Variants in ARHGAP32 observed in about 807,000 individuals in gnomAD.
ARHGAP32 encodes the protein rho GTPase-activating protein 32.
A neutral mutation model predicts 186.5 loss-of-function variants in ARHGAP32; 51 were observed. That is an observed-to-expected ratio of 0.27 (90% CI 0.22 to 0.35). The LOEUF is 0.35. ARHGAP32 is among the 10% of genes least tolerant of loss of function. The pLI, the probability that ARHGAP32 is intolerant of heterozygous loss-of-function variation, is 1.00. For synonymous variants in ARHGAP32, 950 were observed against 964.3 expected, an observed-to-expected ratio of 0.99 and a Z score of 0.27; for missense variants, 2,186 against 2,623.5, an observed-to-expected ratio of 0.83 and a Z score of 3.64.
intron 5 of ARHGAP32, among the ~76,000 whole-genome samples, chr11:129,102,812 A>C (rs186016532): frequency 3.9e-5 from 6 of 152,274 alleles, no homozygotes; most frequent in African/African-American, 1.4e-4. Context: ...CAAAAAGCTT[A>C]AAAGGAGAAT....
chr11:129,260,576 C>A (rs2135708866), intron 1 of ARHGAP32, among the ~76,000 whole-genome samples: 1 of 152,152 alleles, frequency 6.6e-6, no homozygotes, highest in East Asian at 1.9e-4. Flanking sequence ...CTGCGAAACA[C>A]CTTAGTATGA....
intron 5 of ARHGAP32, among the ~76,000 whole-genome samples, chr11:129,113,870 A>G (rs953269448): frequency 3.3e-5 from 5 of 151,972 alleles, no homozygotes; most frequent in Non-Finnish European, 5.9e-5. Flanking sequence ...CTGTACTACT[A>G]TTCACCCAGC....
At chr11:129,210,516 A>T (rs1394860962) in intron 1 of ARHGAP32, among the ~76,000 whole-genome samples, 2 of 152,150 alleles carry the variant, frequency 1.3e-5, no homozygotes, top group Non-Finnish European at 2.9e-5. Flanking sequence ...AAACATTTTA[A>T]ATGTCTCCTC....
intron 2 of ARHGAP32, 84 bp from the exon 3 acceptor site, chr11:129,124,978 G>A: frequency 1.0e-6 from 1 of 974,954 alleles, no homozygotes; most frequent in Non-Finnish European, 1.5e-6. Flanking sequence ...TATGTTAATA[G>A]TTCTGCTGAC....
At chr11:128,986,438 T>C (rs976866937) in intron 14 of ARHGAP32, 86 bp downstream of exon 14, 9 of 1,446,482 alleles carry the variant, frequency 6.2e-6, no homozygotes, top group Non-Finnish European at 8.6e-6. Context: ...ATTTCTTACA[T>C]GTGACCAAAC....
intron 10 of ARHGAP32, among the ~76,000 whole-genome samples, chr11:129,046,488 A>G (rs1034717730): frequency 1.3e-5 from 2 of 152,156 alleles, no homozygotes; most frequent in Non-Finnish European, 2.9e-5. Context: ...CTAGTAGCTT[A>G]GCAAGCATAT....
intron 10 of ARHGAP32, among the ~76,000 whole-genome samples, chr11:129,051,979 A>AG (rs1565397147): frequency 8.0e-6 from 1 of 124,520 alleles, no homozygotes; most frequent in Non-Finnish European, 1.7e-5. Context: ...AAAAAAAAAA[A>AG]AGAGACATCT....
Position 128,973,124 on chromosome 11 carries a change from G to C in ARHGAP32, c.3382C>G (p.Pro1128Ala). ...GGTAGAGGATGGTCACAGTTTCCTG[G>C]TGCATTATTCTGGAGGTGGAACTGC... ...AEQFHLQNNA[P>A]GNCDHPLPET... The change falls in exon 22 of 23, where the codon CCA becomes GCA. Residue 1128 changes from proline (P) to alanine (A), a missense_variant. This residue lies in a region of ARHGAP32 where 1,502 missense variants were observed against 1,570.0 expected (regional missense o/e 0.96). Transcript: ENST00000682385. 1 of 1,614,196 alleles carries C rather than the reference G, an allele frequency of 6.2e-7. No homozygotes were observed. The highest frequency in any genetic ancestry group is 1.6e-4 in the Middle Eastern group (1 of 6,062).
chr11:128,969,897 C>T lies in ARHGAP32; in HGVS notation c.5316G>A (p.Glu1772=). The T allele has an allele frequency of 6.2e-7, 1 of 1,614,198 alleles. No individual in the cohort carries two copies. ...CTTTCACCTTCTGCCGAGCACGGCTCTCTCTCCGGATGGACTGCATGCGGT... is the reference window on the plus strand; with the variant it reads ...CTTTCACCTTCTGCCGAGCACGGCTTTCTCTCCGGATGGACTGCATGCGGT... ...EKYRMQSIRR[E]SRARQKVKGP... Residue 1772 remains glutamate, a synonymous_variant, in exon 23 of 23, where the codon GAG becomes GAA. Transcript: ENST00000682385. The surrounding 1 kb of genome is among the most constrained non-coding windows in gnomAD (Gnocchi z 4.8).
chr11:129,129,010 C>G (rs1804737793), intron 2 of ARHGAP32, among the ~76,000 whole-genome samples: 1 of 152,194 alleles, frequency 6.6e-6, no homozygotes, highest in South Asian at 2.1e-4. Flanking sequence ...GCCACCCCGT[C>G]TGGGAAGTGA....
At position 129,124,902 on chromosome 11, in the gene ARHGAP32, A is replaced by T; in HGVS notation, c.226-8T>A. ...AACATCTGCGCCTCTTGCCTTAAAA[A>T]ATAAAGACAAAATATTTATGGCTAT... On this transcript the variant is annotated splice_polypyrimidine_tract_variant and splice_region_variant and intron_variant, in intron 2 of 22. Coordinates refer to ENST00000682385, the MANE Select transcript of ARHGAP32 (RefSeq NM_001378024.1). The T allele has an allele frequency of 6.3e-7, 1 of 1,595,458 alleles. No individual in the cohort carries two copies. The highest frequency in any genetic ancestry group is 1.3e-5 in the African/African-American group (1 of 74,206).
At chr11:129,032,072 A>G (rs1288368232) in intron 11 of ARHGAP32, among the ~76,000 whole-genome samples, 1 of 152,062 alleles carries the variant, frequency 6.6e-6, no homozygotes, top group Non-Finnish European at 1.5e-5. Flanking sequence ...ACCACCCTTC[A>G]ATTCATTTGC....
At chr11:129,060,334 C>CAGAT (rs1362082858) in intron 10 of ARHGAP32, among the ~76,000 whole-genome samples, 3 of 123,306 alleles carry the variant, frequency 2.4e-5, no homozygotes, top group Non-Finnish European at 3.5e-5. Flanking sequence ...TAAGGTGTTA[C>CAGAT]ACATAGATAG....
At chr11:129,212,265 A>G (rs75290488) in intron 1 of ARHGAP32, among the ~76,000 whole-genome samples, 1 of 152,204 alleles carries the variant, frequency 6.6e-6, no homozygotes, top group Admixed American at 6.5e-5. Flanking sequence ...TTAGCCATAT[A>G]TGATTAATAA....
intron 5 of ARHGAP32, among the ~76,000 whole-genome samples, chr11:129,109,886 C>T (rs1942157610): frequency 6.6e-6 from 1 of 151,996 alleles, no homozygotes; most frequent in South Asian, 2.1e-4. Flanking sequence ...CCTCCCACTC[C>T]ACCAGCTGTC....
At chr11:128,985,421 T>C (rs939788791) in intron 15 of ARHGAP32, among the ~76,000 whole-genome samples, 22 of 152,238 alleles carry the variant, frequency 1.4e-4, no homozygotes, top group African/African-American at 5.3e-4. Context: ...GAGTTTAATT[T>C]CTTGTCAGTA....
chr11:129,076,208 T>C (rs1941038960), intron 6 of ARHGAP32, among the ~76,000 whole-genome samples: 1 of 152,162 alleles, frequency 6.6e-6, no homozygotes, highest in African/African-American at 2.4e-5. Context: ...CCACCCTTTT[T>C]CCCTAGAAAA....
At chr11:129,053,946 G>C (rs540320680) in intron 10 of ARHGAP32, among the ~76,000 whole-genome samples, 1 of 152,130 alleles carries the variant, frequency 6.6e-6, no homozygotes, top group Middle Eastern at 3.4e-3. Context: ...TAAATAAGCA[G>C]AGAAATAAGC....
rs949263494 is a variant in ARHGAP32 at position 128,967,897 on chromosome 11, G to T, written c.*1010C>A. 1 of 145,722 alleles carries T rather than the reference G, an allele frequency of 6.9e-6. No individual in the cohort carries two copies. The highest frequency in any genetic ancestry group is 1.5e-5 in the Non-Finnish European group (1 of 66,786). The allele number at this position is 145,722 out of a possible 1,614,324, so 9.0% of individuals were successfully genotyped here. On this transcript the variant is annotated 3_prime_UTR_variant, in exon 23 of 23. Transcript: ENST00000682385. ...AATTTATATTCATAATAAATTATGC[G>T]TGTCTATCCAGTCAAACCATGCTGG...
Sources: gnomAD v4.1 joint callset for allele counts (sites outside exome capture counted in the v4.1 genomes callset) on GRCh38, gnomAD v4.1.1 for gene constraint, gnomAD v4.1.1 regional missense constraint, Gnocchi (gnomAD v3.1) non-coding constraint, MANE v1.5 for transcripts, NCBI Gene and HGNC (gene_info 2026-07-23, HGNC 2026-07-21) for gene names.